The following TMEM232 variants were observed in gnomAD, a reference collection of about 807,000 sequenced individuals.
TMEM232 encodes transmembrane protein 232.
TMEM232 carries 80 observed loss-of-function variants against 78.8 expected under a neutral mutation model. The observed-to-expected ratio is 1.01, with a 90% CI of 0.85 to 1.22. The LOEUF is 1.22. TMEM232 is among the 50% of genes most tolerant of loss of function. The pLI is 0.00. For synonymous variants in TMEM232, 297 were observed against 254.3 expected (o/e 1.17, Z -1.60); for missense variants, 881 against 742.2 (o/e 1.19, Z -2.17).
intron 12 of TMEM232, among the ~76,000 whole-genome samples, chr5:110,494,924 ATATACT>A (rs1286433644): frequency 5.3e-5 from 8 of 151,978 alleles, no homozygotes; most frequent in African/African-American, 9.6e-5. Context: ...TCATGGAAAC[ATATACT>A]TATTATAAGT....
intron 7 of TMEM232, among the ~76,000 whole-genome samples, chr5:110,624,071 T>C (rs951546255): frequency 6.6e-6 from 1 of 152,114 alleles, no homozygotes; most frequent in South Asian, 2.1e-4. Context: ...AGAATCAACA[T>C]TGACAGTTGC....
chr5:110,511,640 A>C (rs1767768790), intron 12 of TMEM232, among the ~76,000 whole-genome samples: 1 of 152,038 alleles, frequency 6.6e-6, no homozygotes, highest in Admixed American at 6.6e-5. Flanking sequence ...CTCATAAGCA[A>C]CCTAAAACGA....
chr5:110,644,209 A>G (rs1787135903), intron 2 of TMEM232, among the ~76,000 whole-genome samples: 1 of 151,912 alleles, frequency 6.6e-6, no homozygotes, highest in African/African-American at 2.4e-5. Flanking sequence ...TTTGGTGAAC[A>G]CTGGCTGAAA....
At chr5:110,583,657 C>G (rs1477275352) in intron 10 of TMEM232, among the ~76,000 whole-genome samples, 1 of 151,692 alleles carries the variant, frequency 6.6e-6, no homozygotes, top group African/African-American at 2.4e-5. Context: ...AATAAAAAAG[C>G]TTCTGTACAA....
chr5:110,501,760 C>T (rs763055719), intron 12 of TMEM232, among the ~76,000 whole-genome samples: 33 of 152,080 alleles, frequency 2.2e-4, no homozygotes, highest in South Asian at 4.1e-4. Context: ...ACCCCTAAGA[C>T]ATTTTAAACA....
intron 12 of TMEM232, among the ~76,000 whole-genome samples, chr5:110,478,264 A>G (rs1424439603): frequency 1.3e-5 from 2 of 151,994 alleles, no homozygotes; most frequent in Non-Finnish European, 2.9e-5. Context: ...AAATATTAAA[A>G]AGATAAAGTT....
chr5:110,468,444 G>A (rs368533346), intron 12 of TMEM232, among the ~76,000 whole-genome samples: 40 of 151,908 alleles, frequency 2.6e-4, no homozygotes, highest in East Asian at 1.4e-3. Flanking sequence ...GGTTGTTAGA[G>A]GGAAATTTAT....
At chr5:110,620,618 TCTCTCTCTC>T (rs1561399718) in intron 7 of TMEM232, among the ~76,000 whole-genome samples, 5 of 132,572 alleles carry the variant, frequency 3.8e-5, no homozygotes, top group African/African-American at 1.6e-4. Flanking sequence ...TCTCTCTCTC[TCTCTCTCTC>T]TCTCTCTCTC....
chr5:110,564,719 T>C (rs1776136145), intron 11 of TMEM232, among the ~76,000 whole-genome samples: 2 of 151,874 alleles, frequency 1.3e-5, no homozygotes, highest in Non-Finnish European at 2.9e-5. Flanking sequence ...AACAGAACAA[T>C]TACTCTTCCC....
intron 8 of TMEM232, among the ~76,000 whole-genome samples, chr5:110,616,216 C>T (rs1403843095): frequency 1.3e-5 from 2 of 151,978 alleles, no homozygotes; most frequent in African/African-American, 4.8e-5. Context: ...CAATTGCATA[C>T]AGACACATTT....
chr5:110,600,262 C>T (rs1780717251), intron 10 of TMEM232, among the ~76,000 whole-genome samples: 1 of 151,904 alleles, frequency 6.6e-6, no homozygotes, highest in Non-Finnish European at 1.5e-5. Context: ...AGTAGAGAAG[C>T]AAGAATAAAT....
chr5:110,603,857 G>A (rs1302448961), intron 10 of TMEM232, among the ~76,000 whole-genome samples: 1 of 152,076 alleles, frequency 6.6e-6, no homozygotes, highest in Non-Finnish European at 1.5e-5. Context: ...TTTAAAAATA[G>A]TGAGCAAGTT....
intron 12 of TMEM232, among the ~76,000 whole-genome samples, chr5:110,525,507 T>A (rs910563158): frequency 1.3e-5 from 2 of 151,910 alleles, no homozygotes; most frequent in African/African-American, 4.8e-5. Context: ...AAGGCATATA[T>A]GAAAACATTT....
chr5:110,695,147 C>T (rs541673905), intron 1 of TMEM232, among the ~76,000 whole-genome samples: 40 of 152,340 alleles, frequency 2.6e-4, no homozygotes, highest in African/African-American at 9.1e-4. Context: ...CATTAAGAAA[C>T]TCACTCAAAA....
At chr5:110,735,236 T>A (rs1180233293) in intron 1 of TMEM232, among the ~76,000 whole-genome samples, 2 of 152,254 alleles carry the variant, frequency 1.3e-5, no homozygotes, top group African/African-American at 4.8e-5. Context: ...CAGGCACTTT[T>A]GTTTGGTAGG....
intron 11 of TMEM232, among the ~76,000 whole-genome samples, chr5:110,567,629 G>C (rs751918136): frequency 7.2e-5 from 11 of 151,898 alleles, no homozygotes; most frequent in Non-Finnish European, 1.5e-4. Flanking sequence ...TAGTCAAGCA[G>C]GCTGAGAGGA....
rs187934271 is a variant in TMEM232 at position 110,425,224 on chromosome 5, C to T, written c.1704-308G>A. Reference sequence around the variant, plus strand: ...GCCTAAGAATTTGTTCTAAGATATGCTGAAAAAAATGATGTGATTTCAATA... The same window carrying T: ...GCCTAAGAATTTGTTCTAAGATATGTTGAAAAAAATGATGTGATTTCAATA... On this transcript the variant is annotated intron_variant, in intron 12 of 13. Transcript: ENST00000455884. 7.2e-4 allele frequency among the ~76,000 whole-genome samples: 109 copies of T among 151,906 alleles called. 1 individual carries two copies. Among genetic ancestry groups the T allele is most frequent in the Non-Finnish European group, 1.0e-4 (7 of 67,922 alleles).
At chr5:110,633,404 G>A (rs79881977) in intron 5 of TMEM232, among the ~76,000 whole-genome samples, 3,369 of 151,916 alleles carry the variant, frequency 0.022, 116 homozygotes, top group African/African-American at 0.077. Flanking sequence ...AGGAAAAGAA[G>A]ACAAGAATAC....
At chr5:110,485,048 A>G (rs569540746) in intron 12 of TMEM232, among the ~76,000 whole-genome samples, 3 of 152,292 alleles carry the variant, frequency 2.0e-5, no homozygotes, top group Admixed American at 6.5e-5. Flanking sequence ...AATGTAAACA[A>G]GTATAGCCAC....
Sources: gnomAD v4.1 joint callset for allele counts (sites outside exome capture counted in the v4.1 genomes callset) on GRCh38, gnomAD v4.1.1 for gene constraint, MANE v1.5 for transcripts, NCBI Gene and HGNC (gene_info 2026-07-23, HGNC 2026-07-21) for gene names.